The following AZIN2 variants were observed in gnomAD, a reference collection of about 807,000 sequenced individuals.
The protein encoded by AZIN2 is ODC antizyme inhibitor-2.
A neutral mutation model predicts 47.8 loss-of-function variants in AZIN2; 28 were observed. The observed-to-expected ratio is 0.59, with a 90% CI of 0.43 to 0.80. AZIN2 has a LOEUF of 0.80. AZIN2 is among the 30% of genes least tolerant of loss of function. The pLI is 0.00. For missense variants in AZIN2, 535 were observed against 582.5 expected (o/e 0.92, Z 0.84); for synonymous variants, 221 against 239.4 (o/e 0.92, Z 0.71).
intron 10 of AZIN2, among the ~76,000 whole-genome samples, chr1:33,112,453 CTATAATT>C (rs984053016): frequency 1.2e-4 from 18 of 152,086 alleles, no homozygotes; most frequent in Admixed American, 2.0e-4. Flanking sequence ...ATTACATACT[CTATAATT>C]TATATAAATC....
At chr1:33,159,749 C>T in the AZIN2 span, 1 of 1,613,308 alleles carries the variant, frequency 6.2e-7, no homozygotes, top group Non-Finnish European at 8.5e-7. This position sits in a 1 kb window ranked among gnomAD's most constrained non-coding sequence, Gnocchi z 4.2. Flanking sequence ...GCCAGCCGCT[C>T]CTGCAGGATC....
At chr1:33,084,388 G>A (rs2124460191) in intron 5 of AZIN2, among the ~76,000 whole-genome samples, 1 of 152,276 alleles carries the variant, frequency 6.6e-6, no homozygotes, top group Admixed American at 6.5e-5. Context: ...TTGCAAATTT[G>A]TTTGGCACAG....
chr1:33,154,806 A>G, the AZIN2 span, among the ~76,000 whole-genome samples: 1 of 123,916 alleles, frequency 8.1e-6, no homozygotes, highest in South Asian at 2.7e-4. Context: ...TCCAAAAAAA[A>G]AAAGTGGCCA....
intron 11 of AZIN2, 62 bp from the exon 12 acceptor site, chr1:33,119,982 C>T (rs1644743103): frequency 1.2e-6 from 2 of 1,605,908 alleles, no homozygotes; most frequent in African/African-American, 2.7e-5. Context: ...GGCTGCGTCT[C>T]CAGGTACAGG....
intron 10 of AZIN2, among the ~76,000 whole-genome samples, chr1:33,109,342 TA>T (rs1644176753): frequency 6.6e-6 from 1 of 151,476 alleles, no homozygotes; most frequent in African/African-American, 2.4e-5. Flanking sequence ...TTTTTTTTTT[TA>T]AGTTAGAGTC....
intron 8 of AZIN2, among the ~76,000 whole-genome samples, chr1:33,095,290 A>G (rs1286691861): frequency 6.6e-6 from 1 of 152,228 alleles, no homozygotes; most frequent in African/African-American, 2.4e-5. Flanking sequence ...ATTTGCCTCA[A>G]AGATGACTGT....
intron 10 of AZIN2, among the ~76,000 whole-genome samples, chr1:33,116,381 G>A (rs1354370259): frequency 2.0e-5 from 3 of 152,136 alleles, no homozygotes; most frequent in Admixed American, 6.5e-5. Context: ...TTCCTGCTCT[G>A]GCTAAGGTAT....
chr1:33,085,049 C>T (rs999904363), intron 5 of AZIN2, among the ~76,000 whole-genome samples: 2 of 152,064 alleles, frequency 1.3e-5, no homozygotes, highest in African/African-American at 2.4e-5. Flanking sequence ...TCTATTCTGT[C>T]CTTGCTAGAT....
chr1:33,136,233 CTT>C, the AZIN2 span, among the ~76,000 whole-genome samples: 1 of 149,624 alleles, frequency 6.7e-6, no homozygotes, highest in Non-Finnish European at 1.5e-5. Flanking sequence ...CTTTCTTTCT[CTT>C]TCTTTTCCTT....
At chr1:33,114,058 G>T (rs1306040151) in intron 10 of AZIN2, among the ~76,000 whole-genome samples, 1 of 149,594 alleles carries the variant, frequency 6.7e-6, no homozygotes, top group Admixed American at 6.7e-5. Context: ...TGGCCATAGG[G>T]TTTTTTTTTC....
At chr1:33,147,391 G>A in the AZIN2 span, 8 of 1,614,160 alleles carry the variant, frequency 5.0e-6, no homozygotes, top group South Asian at 1.1e-5. This position sits in a 1 kb window ranked among gnomAD's most constrained non-coding sequence, Gnocchi z 8.1. Context: ...GTTAAGCCGC[G>A]TCCAGGGCTC....
intron 10 of AZIN2, among the ~76,000 whole-genome samples, chr1:33,112,465 T>G (rs1321546242): frequency 6.6e-6 from 1 of 152,180 alleles, no homozygotes; most frequent in Non-Finnish European, 1.5e-5. Context: ...ATAATTTATA[T>G]AAATCTCAAA....
intron 9 of AZIN2, 49 bp from the exon 10 acceptor site, chr1:33,098,018 C>A (rs746772016): frequency 5.0e-6 from 7 of 1,389,224 alleles, no homozygotes; most frequent in South Asian, 2.3e-5. Flanking sequence ...CCCACTACCA[C>A]CCCCTCACAT....
At chr1:33,158,906 T>A in the AZIN2 span, among the ~76,000 whole-genome samples, 2 of 151,996 alleles carry the variant, frequency 1.3e-5, no homozygotes, top group Non-Finnish European at 2.9e-5. Flanking sequence ...AATGGCGCGA[T>A]CTCAGCTCAC....
At chr1:33,138,642 A>AG in the AZIN2 span, among the ~76,000 whole-genome samples, 30 of 146,104 alleles carry the variant, frequency 2.1e-4, no homozygotes, top group Admixed American at 8.9e-4. Flanking sequence ...AAAAAAAAAA[A>AG]AAAGAAAAGG....
rs1288681339 is a variant in AZIN2, at chr1:33,120,359, T to C, written c.*177T>C. On this transcript the variant is annotated 3_prime_UTR_variant, in exon 12 of 12. Coordinates refer to ENST00000294517, the MANE Select transcript of AZIN2 (RefSeq NM_052998.4). ...AATAGGACCAGTCTTACACTCGCTGTAGTTCAAGTATGCAACATAAATCCT... is the reference window on the plus strand; with the variant it reads ...AATAGGACCAGTCTTACACTCGCTGCAGTTCAAGTATGCAACATAAATCCT... 1.1e-5 allele frequency: 9 copies of C among 819,136 alleles called. No individual in the cohort carries two copies. Among genetic ancestry groups the C allele is most frequent in the Non-Finnish European group, 1.7e-5 (9 of 539,346 alleles). The allele number at this position is 819,136 out of a possible 1,614,324, so 50.7% of individuals were successfully genotyped here.
At position 33,098,192 on chromosome 1, in the gene AZIN2, C is replaced by T. The variant is rs200375951; in HGVS notation, c.1029+13C>T. Reference sequence around the variant, plus strand: ...CATCCTGCAGAAGGTGAGCTTACCCCACGTGGGCCTGTTTTCAGTTGTGTG... The same window carrying T: ...CATCCTGCAGAAGGTGAGCTTACCCTACGTGGGCCTGTTTTCAGTTGTGTG... On this transcript the variant is annotated intron_variant, in intron 10 of 11. Transcript: ENST00000294517. 2.5e-6 allele frequency: 4 copies of T among 1,576,790 alleles called. No individual in the cohort carries two copies. In the South Asian group the frequency reaches 3.4e-5, roughly 13 times the overall value.
intron 3 of AZIN2, 174 bp from the exon 4 acceptor site, chr1:33,082,004 G>A (rs1349324235): frequency 1.9e-6 from 1 of 533,504 alleles, no homozygotes; most frequent in Non-Finnish European, 3.4e-6. Context: ...GGCATACGGT[G>A]CCTTGTCTCC....
chr1:33,116,304 T>C (rs2124659456), intron 10 of AZIN2, among the ~76,000 whole-genome samples: 1 of 152,312 alleles, frequency 6.6e-6, no homozygotes, highest in African/African-American at 2.4e-5. Flanking sequence ...TTATTAACTT[T>C]TTATCAAATA....
Sources: allele counts gnomAD v4.1 joint callset (sites outside exome capture counted in the v4.1 genomes callset), GRCh38; gene constraint gnomAD v4.1.1; non-coding constraint Gnocchi (gnomAD v3.1); transcripts MANE v1.5; gene names NCBI Gene and HGNC (gene_info 2026-07-23, HGNC 2026-07-21).